Variants in PARN observed in about 807,000 individuals in gnomAD.
The protein encoded by PARN is poly(A)-specific ribonuclease PARN.
Under a neutral mutation model 102.8 loss-of-function variants are expected in PARN, and 71 were observed. The ratio of observed to expected loss-of-function variants is 0.69; its 90% CI spans 0.57 to 0.84. The LOEUF is 0.84. Among genes scored for constraint, PARN ranks in the 40% least tolerant of loss-of-function variants. PARN has a pLI of 0.00. For missense variants in PARN, 782 were observed against 760.9 expected (o/e 1.03, Z -0.33); for synonymous variants, 261 against 252.9 (o/e 1.03, Z -0.30).
chr16:14,550,882 C>A (rs910870416), intron 21 of PARN, among the ~76,000 whole-genome samples: 1 of 151,982 alleles, frequency 6.6e-6, no homozygotes, highest in African/African-American at 2.4e-5. Flanking sequence ...GAAAACAAAA[C>A]GTTTAATTGA....
intron 23 of PARN, among the ~76,000 whole-genome samples, chr16:14,438,831 G>T (rs1322125807): frequency 6.6e-6 from 1 of 152,112 alleles, no homozygotes; most frequent in Non-Finnish European, 1.5e-5. Flanking sequence ...TGTACAAAGG[G>T]GCCAGAACTG....
intron 22 of PARN, among the ~76,000 whole-genome samples, chr16:14,468,287 A>G (rs949812376): frequency 6.6e-6 from 1 of 152,210 alleles, no homozygotes; most frequent in African/African-American, 2.4e-5. Flanking sequence ...ACAAAATAGA[A>G]AAGTGTGTGT....
rs531564287 is a variant in PARN, at chr16:14,456,247, G to A, written c.1671-9166C>T. Among the ~76,000 whole-genome samples, 24 of 151,606 alleles carry A rather than the reference G, an allele frequency of 1.6e-4. No homozygotes were observed. The South Asian group carries it at 4.4e-3, about 28-fold the overall frequency. On this transcript the variant is annotated intron_variant, in intron 22 of 23. Transcript: ENST00000437198. ...AGCAGTGGTGCAATCACAGCTCACC[G>A]CAGCCTCAACCTCCCAGGTTCAAGC...
intron 21 of PARN, among the ~76,000 whole-genome samples, chr16:14,540,686 AGGAGGCTGAGGCAGGCAGATTGCT>A (rs1029543831): frequency 3.9e-5 from 6 of 152,174 alleles, no homozygotes; most frequent in Admixed American, 2.0e-4. Flanking sequence ...CCAAGATTTT[AGGAGGCTGAGGCAGGCAGATTGCT>A]GGAGGCTGAG....
intron 13 of PARN, among the ~76,000 whole-genome samples, chr16:14,592,355 G>A (rs191929918): frequency 1.1e-4 from 17 of 152,320 alleles, no homozygotes; most frequent in Middle Eastern, 3.4e-3. Flanking sequence ...GACCACAGCT[G>A]GGGATAAAGA....
intron 21 of PARN, among the ~76,000 whole-genome samples, chr16:14,502,348 C>A (rs1964668618): frequency 6.6e-6 from 1 of 152,208 alleles, no homozygotes; most frequent in South Asian, 2.1e-4. Flanking sequence ...TCAGAACACA[C>A]TACTGTTTCT....
At chr16:14,619,377 A>G (rs1972139666) in intron 5 of PARN, among the ~76,000 whole-genome samples, 1 of 151,752 alleles carries the variant, frequency 6.6e-6, no homozygotes, top group Non-Finnish European at 1.5e-5. Flanking sequence ...AGGTGGTTGC[A>G]TCGCTGGAGC....
chr16:14,554,587 T>A (rs1422668177), intron 19 of PARN, among the ~76,000 whole-genome samples: 1 of 151,906 alleles, frequency 6.6e-6, no homozygotes, highest in African/African-American at 2.4e-5. Flanking sequence ...CATGCCACCG[T>A]GCCTGGCTAA....
intron 18 of PARN, among the ~76,000 whole-genome samples, chr16:14,578,330 C>A (rs1156468635): frequency 2.8e-4 from 16 of 57,676 alleles, no homozygotes; most frequent in South Asian, 9.5e-4. Context: ...CTCTGTCTCA[C>A]CAAAAAAAAA....
chr16:14,514,578 TAA>T, intron 21 of PARN, among the ~76,000 whole-genome samples: 1 of 152,194 alleles, frequency 6.6e-6, no homozygotes, highest in Non-Finnish European at 1.5e-5. Flanking sequence ...ACTGAATCAC[TAA>T]ATATCTGAGG....
chr16:14,494,774 G>A (rs1964229481), intron 21 of PARN, among the ~76,000 whole-genome samples: 1 of 152,176 alleles, frequency 6.6e-6, no homozygotes, highest in South Asian at 2.1e-4. Context: ...AATATGGAGA[G>A]AAAGGGCGGT....
At chr16:14,572,354 T>C (rs1968864922) in intron 18 of PARN, among the ~76,000 whole-genome samples, 1 of 152,164 alleles carries the variant, frequency 6.6e-6, no homozygotes. Context: ...CTTTTTTTTT[T>C]TGGTCACCCA....
intron 7 of PARN, among the ~76,000 whole-genome samples, chr16:14,610,262 C>G (rs982472025): frequency 6.6e-6 from 1 of 152,054 alleles, no homozygotes; most frequent in African/African-American, 2.4e-5. Flanking sequence ...CACTTGAGGC[C>G]AGGAGTTCGA....
At chr16:14,517,219 T>A (rs1230652027) in intron 21 of PARN, among the ~76,000 whole-genome samples, 2 of 152,214 alleles carry the variant, frequency 1.3e-5, no homozygotes, top group African/African-American at 4.8e-5. Flanking sequence ...CCCCTTGAAT[T>A]TAAGATTGGC....
In PARN at chr16:14,585,370, T is replaced by G. The variant is rs569338813; in HGVS notation, c.963-579A>C. Among the ~76,000 whole-genome samples the G allele has an allele frequency of 2.9e-3, 445 of 151,146 alleles. 4 individuals are homozygous for G. Among genetic ancestry groups the G allele is most frequent in the Admixed American group, 0.013 (190 of 15,176 alleles). On this transcript the variant is annotated intron_variant, in intron 14 of 23. Coordinates refer to ENST00000437198, the MANE Select transcript of PARN (RefSeq NM_002582.4). ...ATGAAAACTCTATTTCTCTGTTTTT[T>G]TTTTTTTTTTTTTTCATATAAATGT...
At chr16:14,564,382 G>T (rs1472074120) in intron 18 of PARN, among the ~76,000 whole-genome samples, 1 of 152,192 alleles carries the variant, frequency 6.6e-6, no homozygotes, top group Non-Finnish European at 1.5e-5. Flanking sequence ...AGAGCTTTGG[G>T]TAGAGCGAAT....
intron 22 of PARN, among the ~76,000 whole-genome samples, chr16:14,455,824 TG>T (rs1961655508): frequency 6.6e-6 from 1 of 152,236 alleles, no homozygotes; most frequent in African/African-American, 2.4e-5. Flanking sequence ...GGTTCTGAAA[TG>T]ACGACCTTAA....
intron 18 of PARN, among the ~76,000 whole-genome samples, chr16:14,562,532 C>A (rs1218884958): frequency 6.6e-6 from 1 of 151,766 alleles, no homozygotes; most frequent in African/African-American, 2.4e-5. Context: ...TAACATAAGC[C>A]TTCTACCACT....
chr16:14,507,115 T>A (rs1203995717), intron 21 of PARN, among the ~76,000 whole-genome samples: 13 of 149,450 alleles, frequency 8.7e-5, no homozygotes, highest in Admixed American at 7.4e-4. Context: ...TCACCTAAGG[T>A]CAGGAGTTCG....
Sources: gnomAD v4.1 joint callset for allele counts (sites outside exome capture counted in the v4.1 genomes callset) on GRCh38, gnomAD v4.1.1 for gene constraint, MANE v1.5 for transcripts, NCBI Gene and HGNC (gene_info 2026-07-23, HGNC 2026-07-21) for gene names.